Variants in SLC17A5 observed in about 807,000 individuals in gnomAD.
The protein encoded by SLC17A5 is sialin.
A neutral mutation model predicts 59.4 loss-of-function variants in SLC17A5; 47 were observed. That is an observed-to-expected ratio of 0.79 (90% confidence interval 0.63 to 1.01). The LOEUF (loss-of-function observed/expected upper bound fraction) is 1.01. SLC17A5 is among the 50% of genes least tolerant of loss of function. The pLI, the probability that SLC17A5 is intolerant of heterozygous loss-of-function variation, is 0.00. For synonymous variants in SLC17A5, 202 were observed against 210.7 expected (o/e 0.96, Z 0.36); for missense variants, 522 against 595.5 (o/e 0.88, Z 1.28).
intron 1 of SLC17A5, among the ~76,000 whole-genome samples, chr6:73,646,798 G>T (rs1769592132): frequency 6.6e-6 from 1 of 151,918 alleles, no homozygotes; most frequent in East Asian, 1.9e-4. Flanking sequence ...TCAGCCTCTT[G>T]AGTAGCTGGG....
intron 6 of SLC17A5, among the ~76,000 whole-genome samples, chr6:73,623,919 G>A (rs1267034919): frequency 4.0e-5 from 6 of 150,242 alleles, no homozygotes; most frequent in South Asian, 2.1e-4. Flanking sequence ...GGATGGTCTC[G>A]ATCTCCTGAC....
intron 1 of SLC17A5, among the ~76,000 whole-genome samples, chr6:73,650,099 G>A (rs1489154570): frequency 1.3e-5 from 2 of 151,344 alleles, no homozygotes; most frequent in East Asian, 1.9e-4. Context: ...TGTGGCTCAC[G>A]CCTGTAATCC....
At position 73,643,136 on chromosome 6, in the gene SLC17A5, AATTT is replaced by A. The variant is rs199849471; in HGVS notation, c.292-1216_292-1213del. 1.5e-3 allele frequency among the ~76,000 whole-genome samples: 222 copies of A among 151,328 alleles called. 2 individuals are homozygous for A. The highest frequency in any genetic ancestry group is 5.0e-3 in the African/African-American group (207 of 41,236). ...TTCGTGAGCACTGAAAATGGGTGAA[AATTT>A]ATTTATTTATTTATTTATTTATTTT... On this transcript the variant is annotated intron_variant, in intron 2 of 10. Transcript: ENST00000355773.
chr6:73,595,927 CATATACATATATATATATATACGT>C, intron 10 of SLC17A5, among the ~76,000 whole-genome samples: 1 of 744 alleles, frequency 1.3e-3, no homozygotes, highest in South Asian at 0.062. Flanking sequence ...TATATATATA[CATATACATATATATATATATACGT>C]ATATATATAC....
intron 6 of SLC17A5, among the ~76,000 whole-genome samples, chr6:73,622,944 C>T (rs1327421186): frequency 6.6e-6 from 1 of 152,174 alleles, no homozygotes; most frequent in African/African-American, 2.4e-5. Context: ...CAGGTGATTA[C>T]AAATCGTATG....
intron 9 of SLC17A5, among the ~76,000 whole-genome samples, chr6:73,601,750 A>G (rs373261616): frequency 0.12 from 7,734 of 64,158 alleles, 678 homozygotes; most frequent in African/African-American, 0.15. Context: ...GCCTCTGCCC[A>G]GCCGCCCCTA....
chr6:73,598,845 G>T (rs35468063), intron 10 of SLC17A5, among the ~76,000 whole-genome samples: 1 of 151,810 alleles, frequency 6.6e-6, no homozygotes, highest in Non-Finnish European at 1.5e-5. Flanking sequence ...TTAGCTGGGC[G>T]TGGTGGCACA....
chr6:73,604,522 T>C (rs1275937474), intron 9 of SLC17A5, among the ~76,000 whole-genome samples: 3 of 151,980 alleles, frequency 2.0e-5, no homozygotes, highest in Admixed American at 6.6e-5. Context: ...GGTGGGAGAA[T>C]TGCTTGAGCC....
intron 6 of SLC17A5, among the ~76,000 whole-genome samples, chr6:73,634,151 G>A (rs1044904210): frequency 5.3e-5 from 8 of 152,064 alleles, no homozygotes; most frequent in Non-Finnish European, 8.8e-5. Flanking sequence ...GCTCGATTAA[G>A]TGATTGAAAT....
chr6:73,602,158 G>A lies in SLC17A5; in HGVS notation c.1260-1717C>T, dbSNP rs374320743. On this transcript the variant is annotated intron_variant, in intron 9 of 10. Transcript: ENST00000355773. ...CCTTACCCCCAACCCTGTGCTCTCT[G>A]AAACATGTGCTGTGTCCACTCAGGG... is the stretch of plus-strand genomic sequence containing the variant. Among the ~76,000 whole-genome samples the A allele has an allele frequency of 1.1e-3, 167 of 151,386 alleles. 1 individual carries two copies. The East Asian group carries it at 0.022, about 20-fold the overall frequency.
At chr6:73,618,583 A>T (rs746024710) in intron 7 of SLC17A5, 45 of 516,392 alleles carry the variant, frequency 8.7e-5, no homozygotes, top group Non-Finnish European at 1.5e-4. Flanking sequence ...TTCCTTCAGG[A>T]GGAAGCAGCA....
intron 2 of SLC17A5, among the ~76,000 whole-genome samples, chr6:73,642,864 C>T (rs1408074557): frequency 1.3e-5 from 2 of 152,126 alleles, no homozygotes; most frequent in Non-Finnish European, 2.9e-5. Context: ...ATTTAGGGTA[C>T]CAATTTGCAG....
At chr6:73,643,537 C>T (rs532470529) in intron 2 of SLC17A5, among the ~76,000 whole-genome samples, 4 of 152,116 alleles carry the variant, frequency 2.6e-5, no homozygotes, top group Admixed American at 6.6e-5. Context: ...AGTGGAATGG[C>T]GTGATCTCGG....
intron 9 of SLC17A5, 67 bp from the exon 10 acceptor site, chr6:73,600,508 C>A: frequency 3.7e-5 from 29 of 793,012 alleles, no homozygotes; most frequent in Non-Finnish European, 5.2e-5. Context: ...TTCTTTCCTT[C>A]TTTTTTTTTT....
intron 9 of SLC17A5, among the ~76,000 whole-genome samples, chr6:73,602,619 A>C (rs2150079457): frequency 6.6e-6 from 1 of 152,044 alleles, no homozygotes; most frequent in South Asian, 2.1e-4. Context: ...CCAAAAATAC[A>C]AAAAAATTAG....
intron 10 of SLC17A5, among the ~76,000 whole-genome samples, chr6:73,600,045 C>T (rs567213890): frequency 1.3e-5 from 2 of 152,244 alleles, no homozygotes; most frequent in South Asian, 2.1e-4. Flanking sequence ...CCACCTGCCT[C>T]GGCCTCCCAA....
chr6:73,643,359 A>G (rs1003550005), intron 2 of SLC17A5, among the ~76,000 whole-genome samples: 7 of 151,866 alleles, frequency 4.6e-5, no homozygotes, highest in African/African-American at 1.7e-4. Context: ...ATGGGGTTTC[A>G]CCATGTTAGC....
At chr6:73,608,491 A>C (rs651981) in intron 9 of SLC17A5, among the ~76,000 whole-genome samples, 16,337 of 152,170 alleles carry the variant, frequency 0.11, 1,054 homozygotes, top group Middle Eastern at 0.18. Context: ...AGAAAGAAAC[A>C]ATCTGTGGTG....
rs1163686601 is a variant in SLC17A5 at position 73,653,827 on chromosome 6, C to T, written c.60G>A (p.Thr20=). The T allele has an allele frequency of 6.2e-7, 1 of 1,602,422 alleles. No individual in the cohort carries two copies. Among genetic ancestry groups the T allele is most frequent in the African/African-American group, 1.3e-5 (1 of 74,750 alleles). ...CCCGTGGGGCGCCCGGTAGAAGAGG[C>T]GTGCGGTCCGTGCTCTCCTCGCCAT... is the stretch of plus-strand genomic sequence containing the variant. The part of the protein sequence containing the change: ...RNDGEESTDR[T]PLLPGAPRAE... The change falls in exon 1 of 11, where the codon ACG becomes ACA. Residue 20 remains threonine (T), a synonymous_variant. Transcript: ENST00000355773.
Sources: allele counts gnomAD v4.1 joint callset (sites outside exome capture counted in the v4.1 genomes callset), GRCh38; gene constraint gnomAD v4.1.1; transcripts MANE v1.5; gene names NCBI Gene and HGNC (gene_info 2026-07-23, HGNC 2026-07-21).